TENM2: variants seen among roughly 807,000 people sequenced by gnomAD.
TENM2 encodes the protein teneurin-2.
Under a neutral mutation model 245.2 loss-of-function variants are expected in TENM2, and 52 were observed. The ratio of observed to expected loss-of-function variants is 0.21; its 90% confidence interval spans 0.17 to 0.27. TENM2 has a LOEUF of 0.27. Among genes scored for constraint, TENM2 ranks in the 10% least tolerant of loss-of-function variants. The pLI is 1.00. For missense variants in TENM2, 3,046 were observed against 3,666.8 expected (o/e 0.83, Z 4.37); for synonymous variants, 1,363 against 1,438.9 (o/e 0.95, Z 1.19).
At chr5:167,282,574 G>A (rs932343582), upstream of TENM2, among the ~76,000 whole-genome samples, 1 of 152,144 alleles carries the variant, frequency 6.6e-6, no homozygotes, top group Non-Finnish European at 1.5e-5. Flanking sequence ...TGGAGTAGAT[G>A]CTATTATTTT....
the TENM2 span, among the ~76,000 whole-genome samples, chr5:166,981,592 C>G: frequency 2.6e-5 from 4 of 152,150 alleles, no homozygotes; most frequent in East Asian, 7.7e-4. Flanking sequence ...GATAACTGAC[C>G]AGGCTAAGGG....
At chr5:167,288,830 T>A (rs895098556) in intron 1 of TENM2, among the ~76,000 whole-genome samples, 1 of 152,170 alleles carries the variant, frequency 6.6e-6, no homozygotes, top group African/African-American at 2.4e-5. Context: ...TTTAAACCAA[T>A]GTGTTTCATC....
the TENM2 span, among the ~76,000 whole-genome samples, chr5:167,082,948 G>T: frequency 6.6e-6 from 1 of 151,880 alleles, no homozygotes; most frequent in African/African-American, 2.4e-5. Context: ...ATTATTAATT[G>T]TTGGTGGCCA....
At chr5:167,802,093 C>T (rs931324043) in intron 2 of TENM2, among the ~76,000 whole-genome samples, 12 of 152,110 alleles carry the variant, frequency 7.9e-5, no homozygotes, top group Non-Finnish European at 1.5e-4. Flanking sequence ...GCAAAAGGAA[C>T]AAACAGCTCT....
At chr5:167,828,583 G>A (rs187500229) in intron 2 of TENM2, among the ~76,000 whole-genome samples, 62 of 152,204 alleles carry the variant, frequency 4.1e-4, no homozygotes, top group Non-Finnish European at 1.8e-4. Flanking sequence ...TTGAACTCAT[G>A]TGTTCACTAT....
chr5:167,436,741 C>T (rs1023517188), intron 2 of TENM2, among the ~76,000 whole-genome samples: 3 of 152,016 alleles, frequency 2.0e-5, no homozygotes, highest in Non-Finnish European at 2.9e-5. Flanking sequence ...TGTGTCCCAC[C>T]CACTGCAGCC....
chr5:166,998,295 A>C, the TENM2 span, among the ~76,000 whole-genome samples: 1 of 152,192 alleles, frequency 6.6e-6, no homozygotes, highest in Non-Finnish European at 1.5e-5. Context: ...CATGTAGGCC[A>C]TGGTAAGGAG....
At chr5:168,013,705 C>T (rs1785440812) in intron 5 of TENM2, among the ~76,000 whole-genome samples, 3 of 152,184 alleles carry the variant, frequency 2.0e-5, no homozygotes, top group Admixed American at 2.0e-4. Flanking sequence ...ACATACTTGT[C>T]CAGGGTGGCA....
chr5:167,350,414 TGTG>T, intron 1 of TENM2, among the ~76,000 whole-genome samples: 1 of 1,404 alleles, frequency 7.1e-4, no homozygotes, highest in Middle Eastern at 0.5. Flanking sequence ...TACATATATA[TGTG>T]TGTGTGTGTG....
intron 2 of TENM2, among the ~76,000 whole-genome samples, chr5:167,423,783 C>T (rs764186960): frequency 6.8e-4 from 103 of 152,238 alleles, no homozygotes; most frequent in Non-Finnish European, 1.4e-3. Flanking sequence ...CATTCACCCT[C>T]GGCCGTAAGT....
chr5:167,134,735 C>T, the TENM2 span, among the ~76,000 whole-genome samples: 2,802 of 152,248 alleles, frequency 0.018, 85 homozygotes, highest in African/African-American at 0.063. Flanking sequence ...AGAGCCATTA[C>T]CAGTTTGGCT....
At chr5:167,100,035 G>A in the TENM2 span, among the ~76,000 whole-genome samples, 11 of 152,158 alleles carry the variant, frequency 7.2e-5, no homozygotes, top group African/African-American at 2.7e-4. Context: ...AAACCTGTGA[G>A]CAGCCTTGAC....
At chr5:167,398,408 T>G (rs1196472189) in intron 2 of TENM2, among the ~76,000 whole-genome samples, 2 of 89,156 alleles carry the variant, frequency 2.2e-5, no homozygotes, top group Non-Finnish European at 4.3e-5. Context: ...CTTTCTTTCT[T>G]TCTTTCTCTC....
intron 2 of TENM2, among the ~76,000 whole-genome samples, chr5:167,721,642 C>G (rs1187743132): frequency 6.6e-6 from 1 of 152,148 alleles, no homozygotes; most frequent in Non-Finnish European, 1.5e-5. Flanking sequence ...GAAAATTTCC[C>G]CACTTAGAAG....
the TENM2 span, among the ~76,000 whole-genome samples, chr5:167,106,154 G>A: frequency 6.6e-6 from 1 of 151,990 alleles, no homozygotes; most frequent in Admixed American, 6.6e-5. Flanking sequence ...TACTATTCCT[G>A]TATTGGTTTA....
At chr5:167,210,635 T>C in the TENM2 span, among the ~76,000 whole-genome samples, 2 of 150,434 alleles carry the variant, frequency 1.3e-5, no homozygotes, top group Admixed American at 1.3e-4. Context: ...GGCTAATTTT[T>C]TGTATTTTTA....
At chr5:167,563,117 A>G (rs1261462071) in intron 2 of TENM2, among the ~76,000 whole-genome samples, 1 of 152,138 alleles carries the variant, frequency 6.6e-6, no homozygotes, top group African/African-American at 2.4e-5. Context: ...ATCAGCATGA[A>G]AAGACCAAGC....
At chr5:167,175,018 C>A in the TENM2 span, among the ~76,000 whole-genome samples, 1 of 151,750 alleles carries the variant, frequency 6.6e-6, no homozygotes, top group African/African-American at 2.4e-5. Flanking sequence ...TTTTTAAAAC[C>A]GAACATTTAT....
At chr5:167,525,728 A>G (rs972339794) in intron 2 of TENM2, among the ~76,000 whole-genome samples, 3 of 152,084 alleles carry the variant, frequency 2.0e-5, no homozygotes, top group Admixed American at 1.3e-4. Context: ...ATATTCTCAG[A>G]TCAGGAGCTC....
Sources: gnomAD v4.1 joint callset for allele counts (sites outside exome capture counted in the v4.1 genomes callset) on GRCh38, gnomAD v4.1.1 for gene constraint, MANE v1.5 for transcripts, NCBI Gene and HGNC (gene_info 2026-07-23, HGNC 2026-07-21) for gene names.